CSPP1: variants seen among roughly 807,000 people sequenced by gnomAD.
CSPP1 encodes centrosome and spindle pole associated protein 1.
A neutral mutation model predicts 164.4 loss-of-function variants in CSPP1; 126 were observed. The ratio of observed to expected loss-of-function variants is 0.77; its 90% CI spans 0.66 to 0.89. CSPP1 has a LOEUF of 0.89. Ranked by LOEUF, CSPP1 falls within the 40% of genes least tolerant of loss-of-function variation. The probability of loss-of-function intolerance (pLI) is 0.00; values close to 1 mark genes in which losing one functional copy is unlikely to be tolerated. For synonymous variants in CSPP1, 472 were observed against 476.7 expected (o/e 0.99, Z 0.13); for missense variants, 1,395 against 1,449.8 (o/e 0.96, Z 0.61).
chr8:67,176,514 A>G (rs1337324390), intron 26 of CSPP1, among the ~76,000 whole-genome samples: 1 of 152,206 alleles, frequency 6.6e-6, no homozygotes, highest in Non-Finnish European at 1.5e-5. Flanking sequence ...GAATAAGCCT[A>G]ATTCTAGGAT....
chr8:67,135,785 T>C (rs945301945), intron 16 of CSPP1: 1 of 152,234 alleles, frequency 6.6e-6, no homozygotes, highest in African/African-American at 2.4e-5. Flanking sequence ...TTATTTAACA[T>C]AAGAGGCCTA....
chr8:67,177,386 A>T (rs1164185224), intron 26 of CSPP1, among the ~76,000 whole-genome samples: 2 of 152,166 alleles, frequency 1.3e-5, no homozygotes, highest in African/African-American at 4.8e-5. Flanking sequence ...TAGAAATCTG[A>T]CAAGATGGTG....
At chr8:67,093,186 G>T (rs1027741614) in intron 5 of CSPP1, among the ~76,000 whole-genome samples, 1 of 152,174 alleles carries the variant, frequency 6.6e-6, no homozygotes, top group Non-Finnish European at 1.5e-5. Context: ...ATGTGGCATG[G>T]CTCTTTGGAA....
intron 9 of CSPP1, among the ~76,000 whole-genome samples, chr8:67,111,005 T>C (rs1371395203): frequency 6.6e-6 from 1 of 152,184 alleles, no homozygotes; most frequent in African/African-American, 2.4e-5. Flanking sequence ...TTATGTTACC[T>C]CTACGGGAGC....
chr8:67,177,605 G>A, intron 26 of CSPP1, 75 bp from the exon 27 acceptor site: 1 of 923,182 alleles, frequency 1.1e-6, no homozygotes, highest in Non-Finnish European at 1.7e-6. Flanking sequence ...AGTCAAAAAA[G>A]ATATTCTAAA....
intron 4 of CSPP1, among the ~76,000 whole-genome samples, 184 bp from the exon 5 acceptor site, chr8:67,091,619 T>C (rs1440050964): frequency 6.6e-6 from 1 of 152,228 alleles, no homozygotes; most frequent in Non-Finnish European, 1.5e-5. Flanking sequence ...AAGAAAATTC[T>C]CTTTTTTCCA....
At chr8:67,161,970 G>A (rs1828444678) in intron 22 of CSPP1, 55 bp downstream of exon 22, 4 of 1,165,216 alleles carry the variant, frequency 3.4e-6, no homozygotes, top group African/African-American at 3.1e-5. Flanking sequence ...TGGATTGGGG[G>A]ATCGAATGAA....
chr8:67,133,243 A>G (rs1821597298), intron 16 of CSPP1, among the ~76,000 whole-genome samples: 1 of 152,224 alleles, frequency 6.6e-6, no homozygotes, highest in Admixed American at 6.5e-5. Context: ...CAAAATGTAG[A>G]CACTTGTTTA....
At chr8:67,077,944 T>C (rs1563494679) in intron 3 of CSPP1, among the ~76,000 whole-genome samples, 1 of 152,242 alleles carries the variant, frequency 6.6e-6, no homozygotes, top group Non-Finnish European at 1.5e-5. Flanking sequence ...AAATTATTAA[T>C]ATACAGCATT....
chr8:67,108,033 G>T (rs1251734488), intron 9 of CSPP1, among the ~76,000 whole-genome samples: 4 of 132,644 alleles, frequency 3.0e-5, no homozygotes, highest in Admixed American at 8.3e-5. Flanking sequence ...GTCTGTCTTG[G>T]TGAGTGTTTA....
intron 4 of CSPP1, among the ~76,000 whole-genome samples, chr8:67,090,340 G>A (rs1182173010): frequency 2.0e-5 from 3 of 152,008 alleles, no homozygotes; most frequent in Non-Finnish European, 2.9e-5. Flanking sequence ...GCTAGAGTGC[G>A]GTGGTGCTGA....
chr8:67,180,884 C>T (rs532666371), intron 28 of CSPP1, among the ~76,000 whole-genome samples: 3 of 151,850 alleles, frequency 2.0e-5, no homozygotes, highest in African/African-American at 4.8e-5. Context: ...TATACACTTA[C>T]GATTATGTAC....
chr8:67,186,907 A>G (rs1015815574), intron 28 of CSPP1, among the ~76,000 whole-genome samples: 1 of 152,228 alleles, frequency 6.6e-6, no homozygotes, highest in African/African-American at 2.4e-5. Flanking sequence ...ATTAAAAATT[A>G]AAAACACAAT....
chr8:67,068,008 C>A (rs1345526003), intron 1 of CSPP1, among the ~76,000 whole-genome samples: 1 of 152,006 alleles, frequency 6.6e-6, no homozygotes, highest in African/African-American at 2.4e-5. Flanking sequence ...TGCCACCATG[C>A]CTGGCTAATT....
At chr8:67,177,423 T>C (rs1469497302) in intron 26 of CSPP1, among the ~76,000 whole-genome samples, 2 of 152,178 alleles carry the variant, frequency 1.3e-5, no homozygotes, top group African/African-American at 4.8e-5. Flanking sequence ...TCATTTTCTT[T>C]TTCTGTTGGC....
chr8:67,110,269 T>C (rs1199631353), intron 9 of CSPP1, among the ~76,000 whole-genome samples: 6 of 152,108 alleles, frequency 3.9e-5, no homozygotes, highest in Admixed American at 3.3e-4. Context: ...GATTTTTCCT[T>C]TCCTTCTCCC....
At chr8:67,115,328 A>G (rs1817709309) in intron 12 of CSPP1, 1 of 152,440 alleles carries the variant, frequency 6.6e-6, no homozygotes, top group Admixed American at 6.5e-5. Flanking sequence ...GTGAGACCTT[A>G]GGTGATATAT....
chr8:67,093,657 G>T lies in CSPP1; in HGVS notation c.483+16G>T. The T allele has an allele frequency of 6.9e-7, 1 of 1,455,050 alleles. No homozygotes were observed. The highest frequency in any genetic ancestry group is 9.6e-7 in the Non-Finnish European group (1 of 1,039,334). The allele number at this position is 1,455,050 out of a possible 1,614,324, so 90.1% of individuals were successfully genotyped here. ...GAGTACTGAGGTAGGTTTTGCTTTT[G>T]AATTAAATCTGTACTACTACTACCA... is the stretch of plus-strand genomic sequence containing the variant. On this transcript the variant is annotated intron_variant, in intron 6 of 30. Transcript: ENST00000678616.
At chr8:67,065,126 G>A (rs117931814) in intron 1 of CSPP1, among the ~76,000 whole-genome samples, 41 of 152,294 alleles carry the variant, frequency 2.7e-4, no homozygotes, top group Non-Finnish European at 5.0e-4. Context: ...GCGCTTGTGC[G>A]CACTGCTTTG....
Sources: allele counts gnomAD v4.1 joint callset (sites outside exome capture counted in the v4.1 genomes callset), GRCh38; gene constraint gnomAD v4.1.1; transcripts MANE v1.5; gene names NCBI Gene and HGNC (gene_info 2026-07-23, HGNC 2026-07-21).